QNG1: variants seen among roughly 807,000 people sequenced by gnomAD.
QNG1 encodes the protein Q-nucleotide N-glycosylase 1.
At chr9:83,944,375 T>C in the QNG1 span, among the ~76,000 whole-genome samples, 2 of 152,316 alleles carry the variant, frequency 1.3e-5, no homozygotes, top group Middle Eastern at 3.4e-3. Flanking sequence ...GAGTGACTTG[T>C]GCAAGATATC....
chr9:83,952,357 T>G, the QNG1 span, among the ~76,000 whole-genome samples: 2 of 152,344 alleles, frequency 1.3e-5, no homozygotes, highest in African/African-American at 4.8e-5. Flanking sequence ...GTACCAATTT[T>G]CATTTAAAAA....
the QNG1 span, chr9:83,953,829 A>G: frequency 6.5e-7 from 1 of 1,547,126 alleles, no homozygotes; most frequent in Non-Finnish European, 8.7e-7. Flanking sequence ...AATGATCATC[A>G]TTTGTTCAAG....
the QNG1 span, among the ~76,000 whole-genome samples, chr9:83,948,573 C>G: frequency 2.0e-5 from 3 of 151,876 alleles, no homozygotes; most frequent in Admixed American, 6.6e-5. Flanking sequence ...TCTGCCCGGC[C>G]GCCACCACGT....
chr9:83,939,503 A>G, the QNG1 span: 2 of 1,588,122 alleles, frequency 1.3e-6, no homozygotes, highest in South Asian at 1.1e-5. Context: ...ATCAGTTTAC[A>G]CTTGAGGTCA....
At chr9:83,956,551 A>C in the QNG1 span, 1 of 1,458,592 alleles carries the variant, frequency 6.9e-7, no homozygotes, top group Non-Finnish European at 9.2e-7. Flanking sequence ...TAGGCGGGTC[A>C]AGGTCCACTC....
the QNG1 span, among the ~76,000 whole-genome samples, chr9:83,939,901 C>T: frequency 1.3e-5 from 2 of 152,228 alleles, no homozygotes; most frequent in Admixed American, 6.5e-5. Flanking sequence ...TCAAAACTTT[C>T]GCACTGATTT....
At chr9:83,953,498 C>G in the QNG1 span, 1 of 258,278 alleles carries the variant, frequency 3.9e-6, no homozygotes, top group Non-Finnish European at 7.5e-6. Flanking sequence ...CAGGCACCCA[C>G]CACCACACCC....
At chr9:83,949,461 T>C in the QNG1 span, among the ~76,000 whole-genome samples, 2 of 151,912 alleles carry the variant, frequency 1.3e-5, no homozygotes, top group African/African-American at 2.4e-5. Flanking sequence ...CTGACCAACA[T>C]AGAGAAACCC....
chr9:83,946,208 G>A, the QNG1 span, among the ~76,000 whole-genome samples: 1 of 151,940 alleles, frequency 6.6e-6, no homozygotes, highest in African/African-American at 2.4e-5. Context: ...AGGAGGCTGA[G>A]GTAGAAGAAT....
chr9:83,939,648 T>C, the QNG1 span: 4 of 1,614,168 alleles, frequency 2.5e-6, no homozygotes, highest in South Asian at 4.4e-5. Context: ...TTTTGTTCAA[T>C]AAGCTCCAGA....
the QNG1 span, chr9:83,956,298 A>C: frequency 1.2e-6 from 2 of 1,614,074 alleles, no homozygotes; most frequent in African/African-American, 2.7e-5. Flanking sequence ...TGTCACGAAC[A>C]CCCAGTTGAC....
chr9:83,939,695 C>T, the QNG1 span: 2 of 1,614,056 alleles, frequency 1.2e-6, no homozygotes, highest in South Asian at 1.1e-5. Flanking sequence ...CCAAAGCGAG[C>T]ACCCTCTGAT....
chr9:83,946,534 AATTAT>A, the QNG1 span, among the ~76,000 whole-genome samples: 1 of 152,194 alleles, frequency 6.6e-6, no homozygotes, highest in African/African-American at 2.4e-5. Flanking sequence ...TAAAATAGCC[AATTAT>A]ATTTATACAT....
the QNG1 span, chr9:83,939,498 T>G: frequency 1.3e-6 from 2 of 1,574,886 alleles, no homozygotes. Context: ...TTTGGATCAG[T>G]TTACACTTGA....
the QNG1 span, among the ~76,000 whole-genome samples, chr9:83,947,926 G>C: frequency 1.3e-5 from 2 of 152,048 alleles, no homozygotes; most frequent in Admixed American, 6.6e-5. Context: ...GCCTCTGCCC[G>C]GCCGCCACCC....
At chr9:83,951,880 A>G in the QNG1 span, among the ~76,000 whole-genome samples, 1 of 152,356 alleles carries the variant, frequency 6.6e-6, no homozygotes, top group East Asian at 1.9e-4. Context: ...ATCTATCTAA[A>G]TTAAAAATTG....
At chr9:83,941,916 AAAG>A in the QNG1 span, among the ~76,000 whole-genome samples, 24 of 151,242 alleles carry the variant, frequency 1.6e-4, no homozygotes, top group South Asian at 4.8e-3. Context: ...CAAAAAAAAA[AAAG>A]AAGAAAAGAG....
the QNG1 span, among the ~76,000 whole-genome samples, chr9:83,949,549 G>C: frequency 6.6e-6 from 1 of 152,230 alleles, no homozygotes; most frequent in African/African-American, 2.4e-5. Flanking sequence ...GGGAGGCTGA[G>C]GCAGGAGAAT....
chr9:83,945,045 C>T, the QNG1 span: 3 of 1,344,078 alleles, frequency 2.2e-6, no homozygotes, highest in African/African-American at 3.0e-5. Flanking sequence ...TTTATATATG[C>T]TATTTTTTAA....
Sources: allele counts gnomAD v4.1 joint callset (sites outside exome capture counted in the v4.1 genomes callset), GRCh38; gene constraint gnomAD v4.1.1; transcripts MANE v1.5; gene names NCBI Gene and HGNC (gene_info 2026-07-23, HGNC 2026-07-21).